The following NKAIN3 variants were observed in gnomAD, a reference collection of about 807,000 sequenced individuals.
The protein encoded by NKAIN3 is sodium/potassium transporting ATPase interacting 3.
NKAIN3 carries 25 observed loss-of-function variants against 30.2 expected under a neutral mutation model. The ratio of observed to expected loss-of-function variants is 0.83; its 90% confidence interval spans 0.60 to 1.16. The LOEUF is 1.16. NKAIN3 is among the 50% of genes most tolerant of loss of function. The pLI, the probability that NKAIN3 is intolerant of heterozygous loss-of-function variation, is 0.00. For synonymous variants in NKAIN3, 91 were observed against 89.6 expected (o/e 1.02, Z -0.09); for missense variants, 225 against 254.1 (o/e 0.89, Z 0.78).
intron 1 of NKAIN3, among the ~76,000 whole-genome samples, chr8:62,282,459 A>G (rs569372055): frequency 6.6e-6 from 1 of 152,278 alleles, no homozygotes; most frequent in Admixed American, 6.5e-5. Context: ...GTCTCAATTC[A>G]GAGTATAGAT....
intron 4 of NKAIN3, among the ~76,000 whole-genome samples, chr8:62,781,554 G>C (rs1817355030): frequency 6.6e-6 from 1 of 151,924 alleles, no homozygotes; most frequent in Admixed American, 6.6e-5. Flanking sequence ...AACCAAAGCA[G>C]CATAGTATTA....
At chr8:62,461,275 T>G (rs945482906) in intron 1 of NKAIN3, among the ~76,000 whole-genome samples, 17 of 152,262 alleles carry the variant, frequency 1.1e-4, no homozygotes, top group African/African-American at 3.9e-4. Context: ...GCAAAGAATG[T>G]GTACTTTACA....
chr8:62,382,179 A>C (rs1409081086), intron 1 of NKAIN3, among the ~76,000 whole-genome samples: 3 of 152,208 alleles, frequency 2.0e-5, no homozygotes, highest in Non-Finnish European at 4.4e-5. Flanking sequence ...TCAATTAACA[A>C]ATTTACATGT....
At chr8:62,900,473 G>C (rs188665049) in intron 4 of NKAIN3, among the ~76,000 whole-genome samples, 1 of 152,316 alleles carries the variant, frequency 6.6e-6, no homozygotes, top group East Asian at 1.9e-4. Flanking sequence ...AGTAAGCAGA[G>C]AGGTTAACAT....
intron 4 of NKAIN3, among the ~76,000 whole-genome samples, chr8:62,911,201 T>C (rs1290158000): frequency 6.6e-6 from 1 of 152,176 alleles, no homozygotes; most frequent in Non-Finnish European, 1.5e-5. Context: ...GAAAATAATA[T>C]TCGTTGTGGC....
At chr8:62,803,982 A>G (rs1302372613) in intron 4 of NKAIN3, among the ~76,000 whole-genome samples, 1 of 152,178 alleles carries the variant, frequency 6.6e-6, no homozygotes, top group Non-Finnish European at 1.5e-5. Context: ...AATACTACAA[A>G]CACCTCTACA....
intron 1 of NKAIN3, among the ~76,000 whole-genome samples, chr8:62,526,923 A>G (rs80313729): frequency 0.011 from 1,748 of 152,264 alleles, 30 homozygotes; most frequent in African/African-American, 0.038. Context: ...CTTATCCCTG[A>G]CTTGCACCCG....
chr8:62,941,838 C>T (rs1822963449), intron 5 of NKAIN3, among the ~76,000 whole-genome samples: 1 of 152,028 alleles, frequency 6.6e-6, no homozygotes, highest in South Asian at 2.1e-4. Context: ...AAGCATTCCC[C>T]ATGAGAACTG....
At chr8:62,964,970 G>T (rs961021106) in intron 6 of NKAIN3, among the ~76,000 whole-genome samples, 8 of 152,140 alleles carry the variant, frequency 5.3e-5, no homozygotes, top group Admixed American at 5.2e-4. Context: ...GCAAGAGCAG[G>T]ATGATCTTGA....
chr8:62,337,177 G>A (rs1316478298), intron 1 of NKAIN3, among the ~76,000 whole-genome samples: 2 of 152,070 alleles, frequency 1.3e-5, no homozygotes, highest in South Asian at 2.1e-4. Flanking sequence ...CTCATGAGGT[G>A]TAGGCCTAGA....
intron 5 of NKAIN3, among the ~76,000 whole-genome samples, chr8:62,952,026 C>G (rs1310787931): frequency 1.3e-5 from 2 of 152,028 alleles, no homozygotes; most frequent in Non-Finnish European, 2.9e-5. Context: ...TCTCAAACCC[C>G]TGACTTCAAA....
Position 62,545,829 on chromosome 8 carries a change from G to C in NKAIN3, c.55-33710G>C, listed in dbSNP as rs182696409. On this transcript the variant is annotated intron_variant, in intron 1 of 6. Transcript: ENST00000623646. ...AATTTTTCAATCAAATAGATTCCTA[G>C]AAATAGAATTATTCAATCAAAAAAT... Among the ~76,000 whole-genome samples, 1,114 of 152,192 alleles carry C rather than the reference G, an allele frequency of 7.3e-3. 12 individuals carry two copies. The highest frequency in any genetic ancestry group is 0.03 in the South Asian group (144 of 4,828).
At chr8:62,806,467 T>G (rs528987818) in intron 4 of NKAIN3, among the ~76,000 whole-genome samples, 30 of 152,298 alleles carry the variant, frequency 2.0e-4, no homozygotes, top group African/African-American at 6.5e-4. Context: ...TGGAATACTA[T>G]GTAGCCATAA....
chr8:62,479,343 T>A, intron 1 of NKAIN3, among the ~76,000 whole-genome samples: 1 of 152,148 alleles, frequency 6.6e-6, no homozygotes, highest in East Asian at 1.9e-4. Context: ...CCAGCAAGAA[T>A]GGAGCTATTA....
At chr8:62,439,379 C>T (rs184140938) in intron 1 of NKAIN3, among the ~76,000 whole-genome samples, 211 of 152,252 alleles carry the variant, frequency 1.4e-3, no homozygotes, top group African/African-American at 4.7e-3. Flanking sequence ...TCTCTGCTAG[C>T]ATAATTTTGA....
At chr8:62,585,390 C>T (rs931828480) in intron 2 of NKAIN3, among the ~76,000 whole-genome samples, 2 of 152,196 alleles carry the variant, frequency 1.3e-5, no homozygotes, top group African/African-American at 4.8e-5. Context: ...ATGAAAACAA[C>T]TTTGCCACAT....
At chr8:62,602,640 T>G (rs1396753064) in intron 3 of NKAIN3, among the ~76,000 whole-genome samples, 2 of 152,154 alleles carry the variant, frequency 1.3e-5, no homozygotes, top group South Asian at 2.1e-4. Flanking sequence ...CCTTGACCTC[T>G]CCCTGATCCC....
At chr8:62,436,924 C>T (rs1805190574) in intron 1 of NKAIN3, among the ~76,000 whole-genome samples, 1 of 151,926 alleles carries the variant, frequency 6.6e-6, no homozygotes, top group African/African-American at 2.4e-5. Context: ...AAGAGGGTGG[C>T]ATATTAAAAT....
intron 3 of NKAIN3, among the ~76,000 whole-genome samples, chr8:62,644,195 G>A (rs935960200): frequency 9.2e-5 from 14 of 152,054 alleles, no homozygotes; most frequent in African/African-American, 3.4e-4. Flanking sequence ...TCAGCTTTAG[G>A]AGGGGTGACA....
Sources: gnomAD v4.1 joint callset for allele counts (sites outside exome capture counted in the v4.1 genomes callset) on GRCh38, gnomAD v4.1.1 for gene constraint, MANE v1.5 for transcripts, NCBI Gene and HGNC (gene_info 2026-07-23, HGNC 2026-07-21) for gene names.